Variants in CEP350 observed in about 807,000 individuals in gnomAD.
CEP350 encodes centrosome-associated protein 350.
CEP350 carries 126 observed loss-of-function variants against 331.8 expected under a neutral mutation model. That is an observed-to-expected ratio of 0.38 (90% CI 0.33 to 0.44). The LOEUF is 0.44. Among genes scored for constraint, CEP350 ranks in the 20% least tolerant of loss-of-function variants. CEP350 has a pLI of 1.00. For synonymous variants in CEP350, 1,200 were observed against 1,259.5 expected (o/e 0.95, Z 1.00); for missense variants, 3,406 against 3,634.6 (o/e 0.94, Z 1.62).
chr1:180,056,787 T>A (rs1657877448), intron 25 of CEP350, among the ~76,000 whole-genome samples: 1 of 151,988 alleles, frequency 6.6e-6, no homozygotes, highest in Admixed American at 6.5e-5. Flanking sequence ...TTTTTCTCCT[T>A]TCCTTCAGGG....
At chr1:180,108,039 C>T (rs1383296707) in intron 37 of CEP350, among the ~76,000 whole-genome samples, 2 of 151,788 alleles carry the variant, frequency 1.3e-5, no homozygotes, top group Admixed American at 6.6e-5. Flanking sequence ...TGAGATCCCC[C>T]AGTTGTTATA....
chr1:180,093,180 A>G lies in CEP350; in HGVS notation c.7075A>G (p.Lys2359Glu), dbSNP rs1196889404. 5 of 1,598,996 alleles carry G rather than the reference A, an allele frequency of 3.1e-6. No individual in the cohort carries two copies. Among genetic ancestry groups the G allele is most frequent in the Non-Finnish European group, 4.3e-6 (5 of 1,171,828 alleles). ...TCACGAACAAAAGAACACAAAGGAA[A>G]AAGATTTGTCTTGGTCAGAACATCT... ...DIHEQKNTKE[K>E]DLSWSEHLFA... Residue 2359 changes from lysine to glutamate, a missense_variant, in exon 34 of 38, where the codon AAA (lysine) becomes GAA (glutamate). This residue lies in a region of CEP350 where 1,415 missense variants were observed against 1,512.3 expected (regional missense o/e 0.94). Transcript: ENST00000367607.
Position 180,113,700 on chromosome 1 carries a change from T to A in CEP350, c.*2539T>A, listed in dbSNP as rs1661554078. ...CAGCCACTCGTTCCATATTGGTATC[T>A]TTTTAAATCAGCTCTGCCTCTTAAT... On this transcript the variant is annotated 3_prime_UTR_variant, in exon 38 of 38. Coordinates refer to ENST00000367607, the MANE Select transcript of CEP350 (RefSeq NM_014810.5). 2 of 118,144 alleles carry A rather than the reference T, an allele frequency of 1.7e-5. No individual in the cohort carries two copies. Among genetic ancestry groups the A allele is most frequent in the South Asian group, 5.9e-4 (2 of 3,390 alleles). 7.3% of individuals were successfully genotyped at this position (118,144 alleles called of 1,614,324 possible). A position where few individuals can be genotyped will look rare whatever the true frequency, so the allele number is the denominator to read the frequency against.
chr1:180,082,757 A>G (rs1246252399), intron 30 of CEP350, among the ~76,000 whole-genome samples: 1 of 152,230 alleles, frequency 6.6e-6, no homozygotes, highest in Admixed American at 6.5e-5. Context: ...CTGCTGGCAT[A>G]TACAATTTTT....
intron 14 of CEP350, among the ~76,000 whole-genome samples, chr1:180,029,617 C>T (rs144719092): frequency 2.0e-5 from 3 of 152,274 alleles, no homozygotes; most frequent in African/African-American, 7.2e-5. Context: ...AGCAATAACT[C>T]TCCATTCCTC....
chr1:180,039,206 G>A (rs967357470), intron 17 of CEP350, among the ~76,000 whole-genome samples: 38 of 138,036 alleles, frequency 2.8e-4, no homozygotes, highest in Non-Finnish European at 3.4e-4. Context: ...GTTGCAGTAA[G>A]CCAAGATTGT....
chr1:180,095,626 A>G lies in CEP350; in HGVS notation c.8615A>G (p.Asp2872Gly). 1 of 1,613,936 alleles carries G rather than the reference A, an allele frequency of 6.2e-7. No individual in the cohort carries two copies. Among genetic ancestry groups the G allele is most frequent in the South Asian group, 1.1e-5 (1 of 91,090 alleles). The change falls in exon 35 of 38, where the codon GAC becomes GGC. Residue 2872 changes from aspartate (D) to glycine (G), a missense_variant. Physicochemically the swap from Asp to Gly is moderately conservative, Grantham distance 94. This residue lies in a region of CEP350 where 1,415 missense variants were observed against 1,512.3 expected (regional missense o/e 0.94). Transcript: ENST00000367607. The part of the protein sequence containing the change: ...EFLSALGDDQ[D>G]WFDEDFGLSS... ...CTGAGCGCGTTAGGAGATGATCAAGACTGGTTTGATGAAGACTTTGGTTTG... is the reference window on the plus strand; with the variant it reads ...CTGAGCGCGTTAGGAGATGATCAAGGCTGGTTTGATGAAGACTTTGGTTTG...
chr1:179,988,077 G>A (rs1374513227), intron 3 of CEP350, among the ~76,000 whole-genome samples: 1 of 151,892 alleles, frequency 6.6e-6, no homozygotes, highest in African/African-American at 2.4e-5. Flanking sequence ...TGAGAGGATC[G>A]TTTTGAGCCC....
chr1:180,005,880 T>C (rs868083304), intron 7 of CEP350, among the ~76,000 whole-genome samples: 1 of 152,218 alleles, frequency 6.6e-6, no homozygotes, highest in South Asian at 2.1e-4. Flanking sequence ...TCTACACATA[T>C]TTTAAAGTAC....
chr1:179,963,368 C>T (rs1453810373), intron 1 of CEP350, among the ~76,000 whole-genome samples: 1 of 151,982 alleles, frequency 6.6e-6, no homozygotes, highest in Non-Finnish European at 1.5e-5. Flanking sequence ...AGGTTTTAGT[C>T]ATAAATTCTT....
chr1:180,008,993 T>C (rs2148784166), intron 8 of CEP350, among the ~76,000 whole-genome samples: 1 of 152,366 alleles, frequency 6.6e-6, no homozygotes, highest in East Asian at 1.9e-4. Flanking sequence ...ACATGAGTTA[T>C]CTGAGCATTA....
At chr1:179,999,952 AT>A (rs971874683) in intron 6 of CEP350, among the ~76,000 whole-genome samples, 1 of 151,990 alleles carries the variant, frequency 6.6e-6, no homozygotes, top group Admixed American at 6.6e-5. Flanking sequence ...TTGTTTGCAT[AT>A]TTTTTTCTTC....
intron 16 of CEP350, among the ~76,000 whole-genome samples, 154 bp from the exon 17 acceptor site, chr1:180,036,772 G>A (rs1656382542): frequency 6.6e-6 from 1 of 152,176 alleles, no homozygotes; most frequent in Admixed American, 6.5e-5. Context: ...GTCTGGAACT[G>A]AACCTGCAGT....
At chr1:180,045,943 G>A (rs148083946) in intron 21 of CEP350, among the ~76,000 whole-genome samples, 2 of 152,120 alleles carry the variant, frequency 1.3e-5, no homozygotes, top group Non-Finnish European at 2.9e-5. Context: ...TTCTCTAGAA[G>A]AACCATGCTC....
In CEP350 at chr1:180,098,023, T is replaced by C. The variant is rs551528794; in HGVS notation, c.9067-840T>C. ...TTCACTCTTGTTGCCCAGGCTGGAG[T>C]ACAATGGCGTGATCTCAGCCCACTG... On this transcript the variant is annotated intron_variant, in intron 36 of 37. Coordinates refer to ENST00000367607, the MANE Select transcript of CEP350 (RefSeq NM_014810.5). Among the ~76,000 whole-genome samples the C allele has an allele frequency of 2.0e-5, 3 of 152,278 alleles. No homozygotes were observed. In the East Asian group the frequency reaches 5.8e-4, roughly 29 times the overall value.
intron 1 of CEP350, among the ~76,000 whole-genome samples, chr1:179,962,514 A>G (rs1022724422): frequency 2.0e-5 from 3 of 152,064 alleles, no homozygotes; most frequent in Non-Finnish European, 2.9e-5. Context: ...GGTCCAAGCA[A>G]TTCTCCTGCC....
At position 180,080,573 on chromosome 1, in the gene CEP350, T is replaced by C; in HGVS notation, c.6036T>C (p.His2012=). The C allele has an allele frequency of 6.2e-7, 1 of 1,613,840 alleles. No homozygotes were observed. The highest frequency in any genetic ancestry group is 2.2e-5 in the East Asian group (1 of 44,866). Residue 2012 remains histidine (H), a synonymous_variant, in exon 30 of 38, where the codon CAT becomes CAC. Transcript: ENST00000367607. ...VSKQESSKGS[H]RTGGQCHLPI... Reference sequence around the variant, plus strand: ...AGCAGGAGTCTAGCAAAGGAAGTCATAGGACTGGAGGACAATGTCACCTGC... The same window carrying C: ...AGCAGGAGTCTAGCAAAGGAAGTCACAGGACTGGAGGACAATGTCACCTGC...
rs1276173734 is a variant in CEP350 at position 180,014,475 on chromosome 1, A to G, written c.2022A>G (p.Pro674=). ...TAGAAAAGACCTTGCTTGAAGAGCCATCTCATCAACATGTTACGCAGGAAA... is the reference window on the plus strand; with the variant it reads ...TAGAAAAGACCTTGCTTGAAGAGCCGTCTCATCAACATGTTACGCAGGAAA... ...LLLEKTLLEE[P]SHQHVTQETQ... Residue 674 remains proline, a synonymous_variant, in exon 10 of 38, where the codon CCA becomes CCG. Transcript: ENST00000367607. 3 of 1,608,588 alleles carry G rather than the reference A, an allele frequency of 1.9e-6. No individual in the cohort carries two copies. Among genetic ancestry groups the G allele is most frequent in the Non-Finnish European group, 2.5e-6 (3 of 1,178,048 alleles).
rs1194206349 is a variant in CEP350, at chr1:180,056,319, C to T, written c.5262+1817C>T. On this transcript the variant is annotated intron_variant, in intron 25 of 37. Transcript: ENST00000367607. ...CCTCTTAAGATTATTTAAAAATTAC[C>T]CAGTTTTTCAGTAGTTTTACTATGA... Among the ~76,000 whole-genome samples, 3 of 151,848 alleles carry T rather than the reference C, an allele frequency of 2.0e-5. 1 individual carries two copies. The South Asian group carries it at 6.2e-4, about 32-fold the overall frequency.
Sources: allele counts gnomAD v4.1 joint callset (sites outside exome capture counted in the v4.1 genomes callset), GRCh38; gene constraint gnomAD v4.1.1; regional missense constraint gnomAD v4.1.1; transcripts MANE v1.5; gene names NCBI Gene and HGNC (gene_info 2026-07-23, HGNC 2026-07-21).